The following NTRK3 variants were observed in gnomAD, a reference collection of about 807,000 sequenced individuals.
The protein encoded by NTRK3 is NT-3 growth factor receptor.
In NTRK3, 24 loss-of-function variants were observed where a neutral mutation model predicts 91.7. The observed-to-expected ratio is 0.26, with a 90% CI of 0.19 to 0.37. The LOEUF is 0.37. NTRK3 is among the 10% of genes least tolerant of loss of function. NTRK3 has a pLI of 1.00. For synonymous variants in NTRK3, 483 were observed against 404.0 expected (o/e 1.20, Z -2.34); for missense variants, 880 against 1,068.9 (o/e 0.82, Z 2.46).
intron 3 of NTRK3, among the ~76,000 whole-genome samples, chr15:88,184,576 A>T (rs1368323232): frequency 6.6e-6 from 1 of 152,224 alleles, no homozygotes; most frequent in African/African-American, 2.4e-5. Context: ...CTAGAAAAAG[A>T]TGCTAAAGAC....
chr15:88,035,170 G>A (rs916921487), intron 13 of NTRK3, among the ~76,000 whole-genome samples: 6 of 152,198 alleles, frequency 3.9e-5, no homozygotes, highest in African/African-American at 1.4e-4. Context: ...TGACCAACAG[G>A]ACTGCAGGGG....
rs2052552505 is a variant in NTRK3, at chr15:88,243,496, C to T, written c.248+12410G>A. ...TAAAGCCCAAAGCTTAGCAGTGACC[C>T]CTACCCCTGCTTCTCACTTGATCCC... On this transcript the variant is annotated intron_variant, in intron 3 of 18. Transcript: ENST00000394480. The surrounding 1 kb of genome is among the most constrained non-coding windows in gnomAD (Gnocchi z 4.8). 6.6e-6 allele frequency among the ~76,000 whole-genome samples: 1 copy of T among 151,574 alleles called. No individual in the cohort carries two copies.
intron 13 of NTRK3, among the ~76,000 whole-genome samples, chr15:88,098,246 T>C (rs998882117): frequency 6.6e-6 from 1 of 152,116 alleles, no homozygotes; most frequent in Non-Finnish European, 1.5e-5. Context: ...TTTTCTTAAT[T>C]GGCAAAAACG....
chr15:88,244,217 AG>A lies in NTRK3; in HGVS notation c.248+11688del, dbSNP rs2073842940. Reference sequence around the variant, plus strand: ...CTTCATATTTCTCCCAGAAAGAGATAGATGGCCAACCATGTTCCAGATGCTG... The same window carrying A: ...CTTCATATTTCTCCCAGAAAGAGATAATGGCCAACCATGTTCCAGATGCTG... On this transcript the variant is annotated intron_variant, in intron 3 of 18. Coordinates refer to ENST00000394480, the Ensembl canonical transcript of NTRK3. Among the ~76,000 whole-genome samples, 4 of 152,332 alleles carry A rather than the reference AG, an allele frequency of 2.6e-5. No homozygotes were observed. In the South Asian group the frequency reaches 8.3e-4, roughly 32 times the overall value.
chr15:88,060,383 C>CAA (rs11289394), intron 13 of NTRK3, among the ~76,000 whole-genome samples: 102 of 86,298 alleles, frequency 1.2e-3, no homozygotes, highest in African/African-American at 3.8e-3. Context: ...GACTCCATCT[C>CAA]AAAAAAAAAA....
intron 14 of NTRK3, among the ~76,000 whole-genome samples, chr15:88,001,491 A>G (rs536760939): frequency 6.6e-6 from 1 of 152,234 alleles, no homozygotes; most frequent in South Asian, 2.1e-4. Context: ...TAGGTCTTAG[A>G]TCCATTTTGA....
chr15:88,101,319 G>A (rs1253972847), intron 13 of NTRK3, among the ~76,000 whole-genome samples: 2 of 152,180 alleles, frequency 1.3e-5, no homozygotes, highest in East Asian at 1.9e-4. Context: ...ACAATGAGAT[G>A]CCATCTCACA....
intron 13 of NTRK3, among the ~76,000 whole-genome samples, chr15:88,078,728 GACCTAA>G (rs2047778149): frequency 6.6e-6 from 1 of 152,212 alleles, no homozygotes; most frequent in Admixed American, 6.5e-5. Context: ...TCAGAACTGG[GACCTAA>G]GCTCAGCAGG....
chr15:87,955,030 C>T (rs2071519005), intron 14 of NTRK3, among the ~76,000 whole-genome samples: 1 of 152,222 alleles, frequency 6.6e-6, no homozygotes, highest in Non-Finnish European at 1.5e-5. Flanking sequence ...CTTACTCAAC[C>T]TCTCTGACAT....
intron 13 of NTRK3, among the ~76,000 whole-genome samples, chr15:88,052,580 C>T (rs1201439781): frequency 1.3e-5 from 2 of 152,184 alleles, no homozygotes; most frequent in Non-Finnish European, 1.5e-5. Context: ...TACAGCCATG[C>T]ATTGTATGAT....
chr15:87,991,363 C>A (rs1453121180), intron 14 of NTRK3, among the ~76,000 whole-genome samples: 5 of 152,154 alleles, frequency 3.3e-5, no homozygotes, highest in African/African-American at 9.7e-5. Context: ...TTAACAGAAT[C>A]CTCAGATGAT....
chr15:88,083,887 G>T (rs1017751267), intron 13 of NTRK3, among the ~76,000 whole-genome samples: 2 of 152,056 alleles, frequency 1.3e-5, no homozygotes, highest in South Asian at 4.1e-4. Flanking sequence ...GGGGAGGGGT[G>T]TAAGGCTTCT....
intron 3 of NTRK3, chr15:88,253,025 G>C (rs1440498836): frequency 1.3e-5 from 2 of 152,234 alleles, no homozygotes; most frequent in African/African-American, 2.4e-5. Flanking sequence ...TGGAAACTCA[G>C]TTACAATCAG....
At chr15:87,934,246 T>C (rs887890555) in intron 15 of NTRK3, among the ~76,000 whole-genome samples, 2 of 152,192 alleles carry the variant, frequency 1.3e-5, no homozygotes, top group Non-Finnish European at 2.9e-5. Context: ...ACCCTCCCTA[T>C]GAGGCCAGAA....
chr15:88,096,273 G>A (rs79627060), intron 13 of NTRK3, among the ~76,000 whole-genome samples: 1 of 152,108 alleles, frequency 6.6e-6, no homozygotes, highest in Non-Finnish European at 1.5e-5. Context: ...TACATCCAGA[G>A]AGCCCCCAGC....
chr15:88,086,655 G>C (rs1462966561), intron 13 of NTRK3, among the ~76,000 whole-genome samples: 1 of 152,152 alleles, frequency 6.6e-6, no homozygotes, highest in Non-Finnish European at 1.5e-5. Context: ...AAATTCTAAA[G>C]CCCAGGCTGC....
chr15:88,120,867 C>A (rs1284069596), intron 13 of NTRK3, among the ~76,000 whole-genome samples: 1 of 152,230 alleles, frequency 6.6e-6, no homozygotes, highest in African/African-American at 2.4e-5. Flanking sequence ...TGTGCTCTGG[C>A]ACATCACTGC....
chr15:88,184,155 C>G, intron 4 of NTRK3, 70 bp downstream of exon 4: 1 of 1,499,072 alleles, frequency 6.7e-7, no homozygotes, highest in Non-Finnish European at 9.2e-7. Flanking sequence ...TCACGCCACC[C>G]CAGAAGGCAG....
chr15:87,906,414 A>G (rs916528165), intron 17 of NTRK3, among the ~76,000 whole-genome samples: 3 of 152,122 alleles, frequency 2.0e-5, no homozygotes, highest in African/African-American at 4.8e-5. Flanking sequence ...GACTTTCTAC[A>G]AAGATGCTCC....
Sources: allele counts gnomAD v4.1 joint callset (sites outside exome capture counted in the v4.1 genomes callset), GRCh38; gene constraint gnomAD v4.1.1; non-coding constraint Gnocchi (gnomAD v3.1); transcripts MANE v1.5; gene names NCBI Gene and HGNC (gene_info 2026-07-23, HGNC 2026-07-21).